ZNF324B: variants seen among roughly 807,000 people sequenced by gnomAD.
ZNF324B encodes zinc finger protein 324B.
In ZNF324B, 7 loss-of-function variants were observed where a neutral mutation model predicts 10.6. That is an observed-to-expected ratio of 0.66 (90% CI 0.38 to 1.24). The LOEUF is 1.24. Ranked by LOEUF, ZNF324B falls within the 50% of genes most tolerant of loss-of-function variation. The pLI is 0.02. For missense variants in ZNF324B, 640 were observed against 764.7 expected (o/e 0.84, Z 1.92); for synonymous variants, 316 against 321.0 (o/e 0.98, Z 0.17).
chr19:58,435,945 A>C, the ZNF324B span, among the ~76,000 whole-genome samples: 2 of 152,204 alleles, frequency 1.3e-5, no homozygotes, highest in Non-Finnish European at 2.9e-5. Context: ...AAACAAGCCA[A>C]ATGCTCATCC....
At chr19:58,439,643 T>G in the ZNF324B span, 1 of 1,150,720 alleles carries the variant, frequency 8.7e-7, no homozygotes, top group Non-Finnish European at 1.2e-6. Context: ...AGGACCCACG[T>G]GTGAGGACAG....
intron 1 of ZNF324B, 65 bp downstream of exon 1, chr19:58,451,769 C>T (rs1468626163): frequency 8.6e-6 from 3 of 347,456 alleles, no homozygotes; most frequent in African/African-American, 2.3e-5. Context: ...ACGTGGTCGG[C>T]CCGGGGGCGG....
the ZNF324B span, chr19:58,433,544 T>G: frequency 6.2e-7 from 1 of 1,614,052 alleles, no homozygotes; most frequent in Non-Finnish European, 8.5e-7. Flanking sequence ...CTAAAGGCTC[T>G]CCCACATTCA....
At chr19:58,434,179 C>T in the ZNF324B span, 1 of 1,614,022 alleles carries the variant, frequency 6.2e-7, no homozygotes, top group Non-Finnish European at 8.5e-7. Context: ...GTGAACTCTC[C>T]AGTGCTGAAT....
the ZNF324B span, chr19:58,437,149 C>T: frequency 1.2e-6 from 2 of 1,613,990 alleles, no homozygotes; most frequent in South Asian, 2.2e-5. Flanking sequence ...AAGTATACAG[C>T]CACATCTTCA....
upstream of ZNF324B, among the ~76,000 whole-genome samples, chr19:58,448,872 C>T (rs997398160): frequency 1.3e-5 from 2 of 152,122 alleles, no homozygotes; most frequent in African/African-American, 4.8e-5. Flanking sequence ...GCAGCCTGAC[C>T]ATGCAACAGA....
the ZNF324B span, chr19:58,434,244 T>TA: frequency 1.2e-6 from 2 of 1,614,208 alleles, no homozygotes; most frequent in African/African-American, 1.3e-5. Flanking sequence ...CATAAGGTCT[T>TA]ACCTGTGTGT....
chr19:58,440,028 A>G, the ZNF324B span: 1 of 573,616 alleles, frequency 1.7e-6, no homozygotes, highest in Non-Finnish European at 3.0e-6. Context: ...AAAGCAGAGT[A>G]ATTAGCCGGG....
At chr19:58,422,011 G>A in the ZNF324B span, among the ~76,000 whole-genome samples, 309 of 152,190 alleles carry the variant, frequency 2.0e-3, 1 homozygote, top group African/African-American at 6.9e-3. Flanking sequence ...TCCGCGTCCC[G>A]GGTTCAAGCG....
At chr19:58,434,066 C>G in the ZNF324B span, 1 of 1,614,152 alleles carries the variant, frequency 6.2e-7, no homozygotes, top group East Asian at 2.2e-5. Context: ...TCACTGCACT[C>G]AAAAGGCCGT....
the ZNF324B span, chr19:58,441,898 G>C: frequency 6.6e-6 from 1 of 152,290 alleles, no homozygotes; most frequent in Non-Finnish European, 1.5e-5. Flanking sequence ...CCTTAGTGAG[G>C]TCCAAGGGGG....
rs937408173 is a variant in ZNF324B at position 58,457,148 on chromosome 19, T to A, written c.*569T>A. 1.9e-5 allele frequency: 3 copies of A among 158,138 alleles called. No homozygotes were observed. The highest frequency in any genetic ancestry group is 5.9e-5 in the Admixed American group (1 of 16,808). 9.8% of individuals were successfully genotyped at this position (158,138 alleles called of 1,614,324 possible). On this transcript the variant is annotated 3_prime_UTR_variant, in exon 4 of 4. Coordinates refer to ENST00000336614, the MANE Select transcript of ZNF324B (RefSeq NM_207395.3). ...TCCTCGGAAAAAGAAAAGCTTTGGG[T>A]CAACTCAGCATCATGTTTGCAGATG...
Position 58,455,340 on chromosome 19 carries a change from G to A in ZNF324B, c.396G>A (p.Gln132=), listed in dbSNP as rs2052904466. 6.2e-7 allele frequency: 1 copy of A among 1,614,088 alleles called. No homozygotes were observed. Among genetic ancestry groups the A allele is most frequent in the Non-Finnish European group, 8.5e-7 (1 of 1,180,052 alleles). ...LQRQPGASPS[Q]ERKPTGVSVI... is the part of the protein sequence containing the mutation. ...GACAACCGGGTGCCTCCCCATCTCA[G>A]GAGAGAAAACCCACGGGGGTGTCGG... Residue 132 remains glutamine (Q), a synonymous_variant, in exon 4 of 4, where the codon CAG becomes CAA. Transcript: ENST00000336614. The surrounding 1 kb of genome is among the most constrained non-coding windows in gnomAD (Gnocchi z 7.0).
chr19:58,429,765 T>C, the ZNF324B span: 1 of 152,334 alleles, frequency 6.6e-6, no homozygotes, highest in African/African-American at 2.4e-5. Context: ...AAAATGAAGG[T>C]ACTCAAAGCC....
the ZNF324B span, chr19:58,433,116 TG>T: frequency 1.6e-6 from 1 of 613,026 alleles, no homozygotes; most frequent in South Asian, 2.2e-5. Flanking sequence ...CCAGGCAAGA[TG>T]GAAAGTGACT....
the ZNF324B span, among the ~76,000 whole-genome samples, chr19:58,427,489 CCTTCCTTT>C: frequency 8.7e-3 from 970 of 110,984 alleles, 18 homozygotes; most frequent in East Asian, 0.025. Flanking sequence ...TTCCTTCCTT[CCTTCCTTT>C]CTTTCTTTTT....
At chr19:58,434,899 C>A in the ZNF324B span, 1 of 1,614,144 alleles carries the variant, frequency 6.2e-7, no homozygotes, top group Non-Finnish European at 8.5e-7. Context: ...GACTTTAGAG[C>A]TCTTCATAAG....
At chr19:58,437,144 T>A in the ZNF324B span, 2 of 1,614,086 alleles carry the variant, frequency 1.2e-6, no homozygotes, top group African/African-American at 1.3e-5. Context: ...GGGAGAAGTA[T>A]ACAGCCACAT....
the ZNF324B span, chr19:58,433,721 C>T: frequency 1.2e-6 from 2 of 1,612,298 alleles, no homozygotes; most frequent in African/African-American, 1.3e-5. Flanking sequence ...TTCCCACATT[C>T]ATTGCACTCA....
Sources: gnomAD v4.1 joint callset for allele counts (sites outside exome capture counted in the v4.1 genomes callset) on GRCh38, gnomAD v4.1.1 for gene constraint, Gnocchi (gnomAD v3.1) non-coding constraint, MANE v1.5 for transcripts, NCBI Gene and HGNC (gene_info 2026-07-23, HGNC 2026-07-21) for gene names.